Variants in CCDC149 observed in about 807,000 individuals in gnomAD.
CCDC149 encodes the protein coiled-coil domain-containing protein 149.
CCDC149 carries 45 observed loss-of-function variants against 59.9 expected under a neutral mutation model. The observed-to-expected ratio is 0.75, with a 90% CI of 0.59 to 0.96. CCDC149 has a LOEUF of 0.96. Among genes scored for constraint, CCDC149 ranks in the 40% least tolerant of loss-of-function variants. The probability of loss-of-function intolerance (pLI) is 0.00; values close to 1 mark genes in which losing one functional copy is unlikely to be tolerated. For missense variants in CCDC149, 584 were observed against 664.7 expected (o/e 0.88, Z 1.33); for synonymous variants, 245 against 260.6 (o/e 0.94, Z 0.58).
At chr4:24,897,095 C>T (rs986535868) in intron 1 of CCDC149, among the ~76,000 whole-genome samples, 7 of 152,046 alleles carry the variant, frequency 4.6e-5, no homozygotes, top group African/African-American at 9.7e-5. Context: ...GGGAGACACG[C>T]GGTCAGAGAG....
At chr4:24,870,732 A>G (rs190561291) in intron 3 of CCDC149, among the ~76,000 whole-genome samples, 1 of 152,308 alleles carries the variant, frequency 6.6e-6, no homozygotes, top group African/African-American at 2.4e-5. Flanking sequence ...AATACTAACT[A>G]ACTCTAAAAT....
At chr4:24,961,088 G>A (rs1264808289) in intron 1 of CCDC149, among the ~76,000 whole-genome samples, 1 of 152,180 alleles carries the variant, frequency 6.6e-6, no homozygotes, top group African/African-American at 2.4e-5. Context: ...TGCAGAACAT[G>A]TACCAAACTA....
At chr4:24,887,341 G>A (rs990517874) in intron 1 of CCDC149, among the ~76,000 whole-genome samples, 10 of 152,140 alleles carry the variant, frequency 6.6e-5, no homozygotes, top group Non-Finnish European at 1.2e-4. Flanking sequence ...GGTCCTTCGC[G>A]ATTTTTACTA....
chr4:24,965,460 G>C (rs1345682134), intron 1 of CCDC149, among the ~76,000 whole-genome samples: 3 of 143,690 alleles, frequency 2.1e-5, no homozygotes, highest in Non-Finnish European at 4.4e-5. Context: ...TGACCACAGT[G>C]GAATTAAATT....
intron 10 of CCDC149, among the ~76,000 whole-genome samples, 186 bp from the exon 11 acceptor site, chr4:24,821,273 A>T (rs561014354): frequency 6.6e-4 from 100 of 152,146 alleles, no homozygotes; most frequent in Non-Finnish European, 1.1e-3. Flanking sequence ...TGAGAAAAAA[A>T]AAAATAAAAA....
At chr4:24,944,689 A>G (rs1006790523) in intron 1 of CCDC149, among the ~76,000 whole-genome samples, 1 of 152,340 alleles carries the variant, frequency 6.6e-6, no homozygotes, top group African/African-American at 2.4e-5. Flanking sequence ...ACAGCAAACC[A>G]CCATGGCACA....
upstream of CCDC149, among the ~76,000 whole-genome samples, chr4:24,915,427 A>C (rs1385514800): frequency 6.6e-6 from 1 of 152,212 alleles, no homozygotes; most frequent in African/African-American, 2.4e-5. Context: ...ATGATATACC[A>C]CTGCTCCTTT....
rs371081514 is a variant in CCDC149, at chr4:24,808,494, G to A, written c.1518C>T (p.His506=). 30 of 1,506,824 alleles carry A rather than the reference G, an allele frequency of 2.0e-5. No individual in the cohort carries two copies. The highest frequency in any genetic ancestry group is 2.7e-5 in the Non-Finnish European group (30 of 1,128,060). The allele number at this position is 1,506,824 out of a possible 1,614,324, so 93.3% of individuals were successfully genotyped here. ...GCCGGCTGGCCTCGAAGGAGTCCAG[G>A]TGAGATTTAGGGAGCTCCCCCTGGA... is the stretch of plus-strand genomic sequence containing the variant. Residue 506 remains histidine, a synonymous_variant, in exon 13 of 13, where the codon CAC becomes CAT. Coordinates refer to ENST00000635206, the MANE Select transcript of CCDC149 (RefSeq NM_001330643.2).
At chr4:24,889,134 A>G (rs4697074) in intron 1 of CCDC149, among the ~76,000 whole-genome samples, 31,591 of 152,010 alleles carry the variant, frequency 0.21, 3,661 homozygotes, top group East Asian at 0.4. Flanking sequence ...GAAGTTTTGA[A>G]TAACGAAGGT....
At chr4:24,877,278 C>T (rs1390175306) in intron 1 of CCDC149, among the ~76,000 whole-genome samples, 6 of 152,006 alleles carry the variant, frequency 3.9e-5, no homozygotes, top group African/African-American at 1.5e-4. Flanking sequence ...CTCCACCTCC[C>T]GGGTTCAAGT....
chr4:24,860,391 A>C (rs1167896728), intron 3 of CCDC149, among the ~76,000 whole-genome samples: 2 of 152,218 alleles, frequency 1.3e-5, no homozygotes, highest in East Asian at 1.9e-4. Context: ...GGAAAGGCGC[A>C]CGTAGAGGAA....
intron 12 of CCDC149, among the ~76,000 whole-genome samples, chr4:24,813,498 A>ATCTATATATATATC (rs1560197566): frequency 6.9e-5 from 1 of 14,490 alleles, no homozygotes; most frequent in African/African-American, 1.6e-4. Context: ...GAATATATAT[A>ATCTATATATATATC]TATATATATA....
intron 2 of CCDC149, among the ~76,000 whole-genome samples, chr4:24,875,420 T>C (rs1719349765): frequency 6.6e-6 from 1 of 152,032 alleles, no homozygotes. Context: ...CCTAGAAAGA[T>C]GTCCAAAATA....
chr4:24,821,168 C>T (rs1046371985), intron 10 of CCDC149, 81 bp from the exon 11 acceptor site: 16 of 748,628 alleles, frequency 2.1e-5, no homozygotes, highest in Non-Finnish European at 2.9e-5. Context: ...CCAAACAAAA[C>T]CATAGAAAAT....
upstream of CCDC149, among the ~76,000 whole-genome samples, chr4:24,914,357 C>T (rs1266615663): frequency 7.9e-6 from 1 of 126,260 alleles, no homozygotes; most frequent in South Asian, 2.5e-4. Flanking sequence ...TTGCTTTGAC[C>T]AAAGCAACGT....
chr4:24,838,334 C>A, intron 4 of CCDC149, 62 bp from the exon 5 acceptor site: 1 of 1,210,464 alleles, frequency 8.3e-7, no homozygotes. Context: ...CAAATAAAAA[C>A]CAAAGGACAC....
intron 1 of CCDC149, among the ~76,000 whole-genome samples, chr4:24,928,661 A>T (rs1722498619): frequency 6.6e-6 from 1 of 152,102 alleles, no homozygotes; most frequent in Non-Finnish European, 1.5e-5. Flanking sequence ...CCCTGCTTGG[A>T]ATGCTCTTCC....
chr4:24,813,490 A>ATATATCTATATCTATCTATC (rs1491293785), intron 12 of CCDC149, among the ~76,000 whole-genome samples: 1 of 1,934 alleles, frequency 5.2e-4, no homozygotes, highest in African/African-American at 5.8e-4. Context: ...AGCTTGGGGA[A>ATATATCTATATCTATCTATC]TATATATATA....
chr4:24,924,722 C>A (rs1424397216), intron 1 of CCDC149, among the ~76,000 whole-genome samples: 2 of 152,148 alleles, frequency 1.3e-5, no homozygotes, highest in Admixed American at 1.3e-4. Context: ...AACTATACTG[C>A]CTTTCATCAT....
Sources: gnomAD v4.1 joint callset for allele counts (sites outside exome capture counted in the v4.1 genomes callset) on GRCh38, gnomAD v4.1.1 for gene constraint, MANE v1.5 for transcripts, NCBI Gene and HGNC (gene_info 2026-07-23, HGNC 2026-07-21) for gene names.